Variants in MGAT4C observed in about 807,000 individuals in gnomAD.
MGAT4C encodes alpha-1,3-mannosyl-glycoprotein 4-beta-N-acetylglucosaminyltransferase C.
In MGAT4C, 19 loss-of-function variants were observed where a neutral mutation model predicts 40.1. The ratio of observed to expected loss-of-function variants is 0.47; its 90% confidence interval spans 0.33 to 0.70. MGAT4C has a LOEUF of 0.70. Ranked by LOEUF, MGAT4C falls within the 30% of genes least tolerant of loss-of-function variation. MGAT4C has a pLI of 0.02. For missense variants in MGAT4C, 491 were observed against 563.2 expected (o/e 0.87, Z 1.30); for synonymous variants, 181 against 187.1 (o/e 0.97, Z 0.27).
intron 1 of MGAT4C, among the ~76,000 whole-genome samples, chr12:86,124,046 A>G (rs1408215282): frequency 6.6e-6 from 1 of 152,160 alleles, no homozygotes; most frequent in Non-Finnish European, 1.5e-5. Flanking sequence ...CAAAAGAAAT[A>G]GATGGTGAAC....
chr12:86,138,111 G>A (rs1431161078), intron 1 of MGAT4C, among the ~76,000 whole-genome samples: 1 of 152,022 alleles, frequency 6.6e-6, no homozygotes, highest in Non-Finnish European at 1.5e-5. Flanking sequence ...CTGAAGACAT[G>A]ATTAAATACT....
intron 2 of MGAT4C, among the ~76,000 whole-genome samples, chr12:86,675,721 G>A (rs1360966119): frequency 6.6e-6 from 1 of 152,120 alleles, no homozygotes; most frequent in East Asian, 1.9e-4. Flanking sequence ...ATGTACATAT[G>A]TTGGGGATGC....
intron 2 of MGAT4C, among the ~76,000 whole-genome samples, chr12:86,487,581 T>C (rs914572197): frequency 1.4e-4 from 22 of 152,192 alleles, no homozygotes; most frequent in Non-Finnish European, 2.8e-4. Context: ...AGTTAGTATG[T>C]GTTTGACAAA....
intron 1 of MGAT4C, among the ~76,000 whole-genome samples, chr12:86,764,294 G>C (rs986540588): frequency 6.6e-6 from 1 of 152,066 alleles, no homozygotes; most frequent in Non-Finnish European, 1.5e-5. Context: ...ACTGCAAGGC[G>C]GCAGCGAGGC....
intron 2 of MGAT4C, among the ~76,000 whole-genome samples, chr12:86,563,918 T>C (rs1398527388): frequency 6.6e-6 from 1 of 152,212 alleles, no homozygotes; most frequent in Admixed American, 6.5e-5. Flanking sequence ...ACTTAGCAGC[T>C]GGCAGAATCC....
At chr12:86,462,184 C>A (rs1161201029) in intron 2 of MGAT4C, among the ~76,000 whole-genome samples, 1 of 152,084 alleles carries the variant, frequency 6.6e-6, no homozygotes, top group Non-Finnish European at 1.5e-5. Flanking sequence ...TTGTAACTTT[C>A]TAGAATATAT....
intron 1 of MGAT4C, among the ~76,000 whole-genome samples, chr12:86,155,657 T>A (rs1349019283): frequency 6.6e-6 from 1 of 152,206 alleles, no homozygotes; most frequent in Non-Finnish European, 1.5e-5. Flanking sequence ...CAGATGACAC[T>A]GCTAGATTGC....
chr12:86,134,432 A>T lies in MGAT4C; in HGVS notation c.-56-84709T>A, dbSNP rs148623916. ...AAAAGGTTTGTTTGGAAAAAGAAATATTTTTTTGATATGGTGTGGTTTTTG... is the reference window on the plus strand; with the variant it reads ...AAAAGGTTTGTTTGGAAAAAGAAATTTTTTTTTGATATGGTGTGGTTTTTG... On this transcript the variant is annotated intron_variant, in intron 1 of 4. Transcript: ENST00000611864. Among the ~76,000 whole-genome samples, 537 of 152,174 alleles carry T rather than the reference A, an allele frequency of 3.5e-3. 3 individuals carry two copies. Among genetic ancestry groups the T allele is most frequent in the Admixed American group, 6.0e-3 (91 of 15,290 alleles).
At chr12:86,779,558 C>T (rs1951801719) in intron 1 of MGAT4C, among the ~76,000 whole-genome samples, 1 of 151,724 alleles carries the variant, frequency 6.6e-6, no homozygotes, top group African/African-American at 2.4e-5. Flanking sequence ...GCCATGATGG[C>T]GACACTGCAC....
At chr12:86,767,359 G>C (rs999340995) in intron 1 of MGAT4C, among the ~76,000 whole-genome samples, 19 of 152,162 alleles carry the variant, frequency 1.2e-4, no homozygotes, top group African/African-American at 4.1e-4. Context: ...CTCTGAAATT[G>C]TGGCAATAAT....
intron 2 of MGAT4C, among the ~76,000 whole-genome samples, chr12:86,524,437 T>C (rs567797217): frequency 3.9e-5 from 6 of 152,330 alleles, no homozygotes; most frequent in Non-Finnish European, 7.4e-5. Context: ...CTCTGGCTAC[T>C]GTTAGTCTGA....
intron 3 of MGAT4C, among the ~76,000 whole-genome samples, chr12:86,422,808 AC>A (rs1347680463): frequency 3.3e-5 from 5 of 152,180 alleles, no homozygotes; most frequent in African/African-American, 9.7e-5. Flanking sequence ...TGGAAAAAAA[AC>A]ATAGAGTATC....
intron 3 of MGAT4C, among the ~76,000 whole-genome samples, chr12:86,342,269 A>G (rs180945061): frequency 3.9e-5 from 6 of 152,230 alleles, no homozygotes; most frequent in East Asian, 3.9e-4. Context: ...TAGTAGCCCT[A>G]TGGAAAAGTA....
chr12:86,727,757 T>C (rs2136116399), intron 1 of MGAT4C, among the ~76,000 whole-genome samples: 1 of 152,158 alleles, frequency 6.6e-6, no homozygotes, highest in Admixed American at 6.5e-5. Context: ...TTTTTATTAT[T>C]TTCATTATTT....
intron 2 of MGAT4C, among the ~76,000 whole-genome samples, chr12:86,526,803 G>A (rs1297348570): frequency 1.3e-5 from 2 of 152,182 alleles, no homozygotes; most frequent in Admixed American, 1.3e-4. Flanking sequence ...CAGCTTGCTT[G>A]CTGCCCCTAC....
chr12:86,396,510 T>A (rs1044485237), intron 3 of MGAT4C, among the ~76,000 whole-genome samples: 2 of 152,154 alleles, frequency 1.3e-5, no homozygotes, highest in Non-Finnish European at 2.9e-5. Flanking sequence ...TCTTGGCAAT[T>A]ATCTGGATGC....
At position 86,307,164 on chromosome 12, in the gene MGAT4C, G is replaced by T. The variant is rs963834389; in HGVS notation, c.-57+26901C>A. On this transcript the variant is annotated intron_variant, in intron 4 of 7. Transcript: ENST00000548651. ...TTCAAAACAGGTAACTGTCAGTTAA[G>T]ATAGTTTGCTTATTAAAAGGTTCTG... is the stretch of plus-strand genomic sequence containing the variant. Among the ~76,000 whole-genome samples, 20 of 149,992 alleles carry T rather than the reference G, an allele frequency of 1.3e-4. 1 individual carries two copies. The highest frequency in any genetic ancestry group is 4.8e-4 in the African/African-American group (19 of 39,684).
chr12:86,092,778 T>C (rs992001777), intron 1 of MGAT4C, among the ~76,000 whole-genome samples: 1 of 152,176 alleles, frequency 6.6e-6, no homozygotes, highest in Non-Finnish European at 1.5e-5. Context: ...TAAAGAGTTA[T>C]GACAAGAACA....
chr12:86,538,889 G>C (rs1565834921), intron 2 of MGAT4C, among the ~76,000 whole-genome samples: 1 of 152,140 alleles, frequency 6.6e-6, no homozygotes, highest in Non-Finnish European at 1.5e-5. Flanking sequence ...TTACAGGCAT[G>C]AGCCACTGTG....
Sources: gnomAD v4.1 joint callset for allele counts (sites outside exome capture counted in the v4.1 genomes callset) on GRCh38, gnomAD v4.1.1 for gene constraint, MANE v1.5 for transcripts, NCBI Gene and HGNC (gene_info 2026-07-23, HGNC 2026-07-21) for gene names.